ATXN7L1: variants seen among roughly 807,000 people sequenced by gnomAD.
ATXN7L1 encodes ataxin 7 like 1.
A neutral mutation model predicts 70.8 loss-of-function variants in ATXN7L1; 15 were observed. The observed-to-expected ratio is 0.21, with a 90% CI of 0.14 to 0.33. The LOEUF (loss-of-function observed/expected upper bound fraction) is 0.33, where lower values mean the gene tolerates loss of function less well. ATXN7L1 is among the 10% of genes least tolerant of loss of function. The probability of loss-of-function intolerance (pLI) is 1.00; values close to 1 mark genes in which losing one functional copy is unlikely to be tolerated. For synonymous variants in ATXN7L1, 440 were observed against 445.1 expected, an observed-to-expected ratio of 0.99 and a Z score of 0.14; for missense variants, 975 against 1,097.1, an observed-to-expected ratio of 0.89 and a Z score of 1.57.
intron 2 of ATXN7L1, among the ~76,000 whole-genome samples, chr7:105,841,171 C>T (rs1385800150): frequency 1.3e-5 from 2 of 152,158 alleles, no homozygotes; most frequent in Non-Finnish European, 2.9e-5. Flanking sequence ...CCCACAACAC[C>T]ATGGGAGGTC....
At position 105,605,126 on chromosome 7, in the gene ATXN7L1, G is replaced by C. The variant is rs1013234458; in HGVS notation, c.*2726C>G. On this transcript the variant is annotated 3_prime_UTR_variant, in exon 12 of 12. Coordinates refer to ENST00000419735, the MANE Select transcript of ATXN7L1 (RefSeq NM_020725.2). ...ACAACCAGAGCTTTCGAGCCTCTATGGCTGGCGACAAGTCAGGAGATCTTC... is the reference window on the plus strand; with the variant it reads ...ACAACCAGAGCTTTCGAGCCTCTATCGCTGGCGACAAGTCAGGAGATCTTC... The C allele has an allele frequency of 6.6e-5, 9 of 136,268 alleles. No homozygotes were observed. The highest frequency in any genetic ancestry group is 2.5e-4 in the African/African-American group (9 of 36,508). The allele number at this position is 136,268 out of a possible 1,614,324, so 8.4% of individuals were successfully genotyped here.
At chr7:105,740,790 A>G (rs1797933364) in intron 3 of ATXN7L1, among the ~76,000 whole-genome samples, 1 of 41,696 alleles carries the variant, frequency 2.4e-5, no homozygotes, top group African/African-American at 2.4e-4. Context: ...TTTTTAATGG[A>G]GTCTCACTCT....
At chr7:105,838,783 C>G (rs554128037) in intron 2 of ATXN7L1, among the ~76,000 whole-genome samples, 2 of 152,176 alleles carry the variant, frequency 1.3e-5, no homozygotes, top group African/African-American at 4.8e-5. Context: ...CCTGGATCAC[C>G]GGGCACCCTG....
chr7:105,750,551 C>T (rs1439088439), intron 3 of ATXN7L1, among the ~76,000 whole-genome samples: 1 of 149,294 alleles, frequency 6.7e-6, no homozygotes, highest in Admixed American at 6.9e-5. Context: ...CCACCAATCC[C>T]AGCACTTTGG....
chr7:105,750,704 G>A (rs1169144729), intron 3 of ATXN7L1, among the ~76,000 whole-genome samples: 1 of 152,194 alleles, frequency 6.6e-6, no homozygotes, highest in Non-Finnish European at 1.5e-5. Context: ...TTGGGAGGCT[G>A]AGGCAGGAGA....
chr7:105,854,359 T>C (rs561543054), intron 2 of ATXN7L1, among the ~76,000 whole-genome samples: 43 of 151,702 alleles, frequency 2.8e-4, no homozygotes, highest in Admixed American at 1.8e-3. Flanking sequence ...ACACAACATC[T>C]GTGGGAGTTC....
At chr7:105,664,972 T>C in intron 4 of ATXN7L1, 94 bp downstream of exon 4, 1 of 1,282,246 alleles carries the variant, frequency 7.8e-7, no homozygotes. Flanking sequence ...ATGTGACACC[T>C]AGGAACAAAG....
intron 2 of ATXN7L1, among the ~76,000 whole-genome samples, chr7:105,832,971 G>C (rs1811843036): frequency 6.6e-6 from 1 of 152,254 alleles, no homozygotes; most frequent in South Asian, 2.1e-4. Context: ...CTTTACCCCA[G>C]AAGAGCAGAT....
Position 105,849,867 on chromosome 7 carries a change from G to A in ATXN7L1, c.250+25945C>T, listed in dbSNP as rs1454807760. On this transcript the variant is annotated intron_variant, in intron 2 of 11. Transcript: ENST00000419735. ...TGGGCTGGCAAGTTCACACATACCT[G>A]CACCTTCTGAGGCTACCACAAGAGC... Among the ~76,000 whole-genome samples, 3 of 152,316 alleles carry A rather than the reference G, an allele frequency of 2.0e-5. No individual in the cohort carries two copies. The East Asian group carries it at 5.8e-4, about 29-fold the overall frequency.
At chr7:105,836,844 G>A (rs1476770557) in intron 2 of ATXN7L1, among the ~76,000 whole-genome samples, 2 of 152,174 alleles carry the variant, frequency 1.3e-5, no homozygotes, top group African/African-American at 4.8e-5. Flanking sequence ...GATCACCTGA[G>A]GTCAGGAGTT....
intron 3 of ATXN7L1, among the ~76,000 whole-genome samples, chr7:105,724,330 T>C (rs1795543483): frequency 6.6e-6 from 1 of 151,676 alleles, no homozygotes; most frequent in Admixed American, 6.6e-5. Flanking sequence ...TCCTAGCACT[T>C]TGGGAGGCCA....
chr7:105,830,197 A>G (rs1357303444), intron 2 of ATXN7L1, among the ~76,000 whole-genome samples: 1 of 152,254 alleles, frequency 6.6e-6, no homozygotes, highest in African/African-American at 2.4e-5. Flanking sequence ...TGGAGCCTCT[A>G]TGGCAGAGCT....
At chr7:105,832,537 C>T (rs550085832) in intron 2 of ATXN7L1, among the ~76,000 whole-genome samples, 98 of 152,262 alleles carry the variant, frequency 6.4e-4, no homozygotes, top group African/African-American at 2.2e-3. Context: ...ATTCTGAATT[C>T]GAAAACACAC....
At chr7:105,660,142 G>A (rs942733565) in intron 4 of ATXN7L1, among the ~76,000 whole-genome samples, 2 of 152,016 alleles carry the variant, frequency 1.3e-5, no homozygotes, top group African/African-American at 4.8e-5. Flanking sequence ...ACCACTGCCT[G>A]GATCCAGGCT....
intron 3 of ATXN7L1, among the ~76,000 whole-genome samples, chr7:105,781,122 T>C (rs1204370): frequency 0.61 from 92,895 of 151,994 alleles, 30,303 homozygotes; most frequent in African/African-American, 0.83. Flanking sequence ...ACTCAACATC[T>C]TATAGTAAGA....
At chr7:105,732,632 T>C (rs1004208459) in intron 3 of ATXN7L1, among the ~76,000 whole-genome samples, 2 of 152,160 alleles carry the variant, frequency 1.3e-5, no homozygotes, top group African/African-American at 4.8e-5. Context: ...TGTAGGTCAA[T>C]ACCAAGCAGC....
intron 3 of ATXN7L1, among the ~76,000 whole-genome samples, chr7:105,775,850 G>GA (rs1802649490): frequency 1.3e-5 from 2 of 152,180 alleles, no homozygotes; most frequent in African/African-American, 2.4e-5. Flanking sequence ...ACTCCAATGT[G>GA]AAATAGATGC....
chr7:105,786,523 ATTGT>A (rs942721547), intron 3 of ATXN7L1, among the ~76,000 whole-genome samples: 5 of 151,990 alleles, frequency 3.3e-5, no homozygotes, highest in Admixed American at 6.6e-5. Context: ...GTTTTGTTTT[ATTGT>A]TTGTTTCTCT....
intron 3 of ATXN7L1, among the ~76,000 whole-genome samples, chr7:105,777,004 A>C (rs963293850): frequency 2.6e-5 from 4 of 152,114 alleles, no homozygotes; most frequent in African/African-American, 9.7e-5. Flanking sequence ...TCTTGACCTC[A>C]GGTGATCTAC....
Sources: allele counts gnomAD v4.1 joint callset (sites outside exome capture counted in the v4.1 genomes callset), GRCh38; gene constraint gnomAD v4.1.1; transcripts MANE v1.5; gene names NCBI Gene and HGNC (gene_info 2026-07-23, HGNC 2026-07-21).